The following LIN52 variants were observed in gnomAD, a reference collection of about 807,000 sequenced individuals.
The protein encoded by LIN52 is protein lin-52 homolog.
Under a neutral mutation model 18.5 loss-of-function variants are expected in LIN52, and 4 were observed. That is an observed-to-expected ratio of 0.22 (90% CI 0.11 to 0.49). The LOEUF is 0.49. Among genes scored for constraint, LIN52 ranks in the 20% least tolerant of loss-of-function variants. LIN52 has a pLI of 0.97. For missense variants in LIN52, 102 were observed against 139.5 expected (o/e 0.73, Z 1.35); for synonymous variants, 34 against 45.5 (o/e 0.75, Z 1.02).
chr14:74,113,525 G>A (rs1173252888), intron 5 of LIN52, among the ~76,000 whole-genome samples: 2 of 152,164 alleles, frequency 1.3e-5, no homozygotes, highest in East Asian at 1.9e-4. Flanking sequence ...GGAACGGTGC[G>A]AGTGGTTGAA....
intron 5 of LIN52, among the ~76,000 whole-genome samples, chr14:74,116,931 T>C (rs2060968980): frequency 6.6e-6 from 1 of 152,002 alleles, no homozygotes; most frequent in Non-Finnish European, 1.5e-5. Flanking sequence ...TTTTAAAATT[T>C]TCTGAATTTT....
chr14:74,099,969 T>C lies in LIN52; in HGVS notation c.200-1186T>C, dbSNP rs563192537. 5.2e-5 allele frequency among the ~76,000 whole-genome samples: 8 copies of C among 152,386 alleles called. 1 individual carries two copies. In the South Asian group the frequency reaches 8.3e-4, roughly 16 times the overall value. On this transcript the variant is annotated intron_variant, in intron 4 of 5. Coordinates refer to ENST00000555028, the MANE Select transcript of LIN52 (RefSeq NM_001024674.3). Reference sequence around the variant, plus strand: ...TGACCTAACCAACTCCATTTGCTCCTAACCTCCAACAGTATGCTGTCTTTT... The same window carrying C: ...TGACCTAACCAACTCCATTTGCTCCCAACCTCCAACAGTATGCTGTCTTTT...
intron 4 of LIN52, 96 bp from the exon 5 acceptor site, chr14:74,101,059 C>A: frequency 1.1e-6 from 1 of 911,542 alleles, no homozygotes. Flanking sequence ...GGTAATTAAG[C>A]TTGAAAACTT....
chr14:74,098,035 A>G (rs1832249451), intron 4 of LIN52, among the ~76,000 whole-genome samples, 175 bp downstream of exon 4: 1 of 152,052 alleles, frequency 6.6e-6, no homozygotes, highest in South Asian at 2.1e-4. Flanking sequence ...TTCCATGTGT[A>G]GAAATCCTGC....
chr14:74,131,690 T>G (rs1291159182), intron 5 of LIN52, among the ~76,000 whole-genome samples: 2 of 152,240 alleles, frequency 1.3e-5, no homozygotes, highest in Non-Finnish European at 2.9e-5. Flanking sequence ...TACGCATTTC[T>G]TGGTTGCTAA....
intron 1 of LIN52, among the ~76,000 whole-genome samples, chr14:74,089,616 C>A (rs1248396632): frequency 1.3e-5 from 2 of 152,042 alleles, no homozygotes; most frequent in African/African-American, 4.8e-5. Context: ...AATCCACCCA[C>A]CTCGGCCTCC....
chr14:74,184,244 C>T (rs1309345902), intron 5 of LIN52, among the ~76,000 whole-genome samples: 1 of 152,326 alleles, frequency 6.6e-6, no homozygotes, highest in South Asian at 2.1e-4. Context: ...CCACGCCTGG[C>T]TAATTTTTGT....
chr14:74,098,730 T>C (rs186680278), intron 4 of LIN52, among the ~76,000 whole-genome samples: 4 of 152,120 alleles, frequency 2.6e-5, no homozygotes, highest in African/African-American at 9.6e-5. Flanking sequence ...GTAGTTTTAG[T>C]AGAGATGGGG....
intron 5 of LIN52, among the ~76,000 whole-genome samples, chr14:74,154,158 G>GT (rs952499725): frequency 6.6e-6 from 1 of 150,926 alleles, no homozygotes; most frequent in Non-Finnish European, 1.5e-5. Context: ...CTAGGATACT[G>GT]TATTACATTT....
At chr14:74,127,721 G>C (rs992013045) in intron 5 of LIN52, among the ~76,000 whole-genome samples, 1 of 152,148 alleles carries the variant, frequency 6.6e-6, no homozygotes, top group African/African-American at 2.4e-5. Flanking sequence ...AATGACTTAG[G>C]ACACAGAATA....
chr14:74,172,555 G>A (rs891889424), intron 5 of LIN52, among the ~76,000 whole-genome samples: 2 of 152,204 alleles, frequency 1.3e-5, no homozygotes, highest in Admixed American at 6.5e-5. Flanking sequence ...TTTGATCAAT[G>A]TGTAATAAAC....
intron 5 of LIN52, among the ~76,000 whole-genome samples, chr14:74,190,193 T>C (rs181849295): frequency 1.6e-3 from 237 of 152,256 alleles, no homozygotes; most frequent in African/African-American, 5.5e-3. Context: ...CACTGCACGC[T>C]TTTGGAAGAA....
chr14:74,090,245 C>T (rs1029757976), intron 1 of LIN52, among the ~76,000 whole-genome samples: 7 of 151,870 alleles, frequency 4.6e-5, no homozygotes, highest in African/African-American at 9.7e-5. Flanking sequence ...TCTTGAACTC[C>T]GGACCTCAAG....
At chr14:74,186,798 G>T (rs1037709295) in intron 5 of LIN52, among the ~76,000 whole-genome samples, 2 of 152,214 alleles carry the variant, frequency 1.3e-5, no homozygotes, top group Non-Finnish European at 2.9e-5. Context: ...GAGATTTTTG[G>T]CCAGGCATGG....
intron 5 of LIN52, among the ~76,000 whole-genome samples, chr14:74,195,575 T>TGTGTGC (rs559855495): frequency 1.1e-4 from 16 of 151,676 alleles, no homozygotes; most frequent in South Asian, 2.1e-4. Context: ...TGTGTGTGTG[T>TGTGTGC]GCGCGTGTAG....
intron 5 of LIN52, among the ~76,000 whole-genome samples, chr14:74,180,262 A>T (rs2061312575): frequency 8.4e-6 from 1 of 119,742 alleles, no homozygotes; most frequent in African/African-American, 3.3e-5. Flanking sequence ...GGGAGGAGGA[A>T]TTTTTTTTTT....
At chr14:74,157,230 T>G (rs1030807468) in intron 5 of LIN52, among the ~76,000 whole-genome samples, 1 of 151,210 alleles carries the variant, frequency 6.6e-6, no homozygotes, top group Non-Finnish European at 1.5e-5. Flanking sequence ...ACAGGGTTTC[T>G]CCATGTTGGC....
intron 5 of LIN52, among the ~76,000 whole-genome samples, chr14:74,113,460 G>A (rs2060942592): frequency 6.6e-6 from 1 of 152,026 alleles, no homozygotes; most frequent in Non-Finnish European, 1.5e-5. Flanking sequence ...TGGAAAGGGA[G>A]CATATTCTAG....
At chr14:74,109,043 CTT>C (rs1353186609) in intron 5 of LIN52, among the ~76,000 whole-genome samples, 1 of 152,136 alleles carries the variant, frequency 6.6e-6, no homozygotes, top group Non-Finnish European at 1.5e-5. Flanking sequence ...AGATTTAGGT[CTT>C]TGATTCATTT....
Sources: gnomAD v4.1 joint callset for allele counts (sites outside exome capture counted in the v4.1 genomes callset) on GRCh38, gnomAD v4.1.1 for gene constraint, MANE v1.5 for transcripts, NCBI Gene and HGNC (gene_info 2026-07-23, HGNC 2026-07-21) for gene names.